Variants in ANKRD36C observed in about 807,000 individuals in gnomAD.
ANKRD36C encodes the protein ankyrin repeat domain-containing protein 36C.
A neutral mutation model predicts 276.4 loss-of-function variants in ANKRD36C; 61 were observed. The observed-to-expected ratio is 0.22, with a 90% CI of 0.18 to 0.27. The LOEUF is 0.27. Ranked by LOEUF, ANKRD36C falls within the 10% of genes least tolerant of loss-of-function variation. The pLI, the probability that ANKRD36C is intolerant of heterozygous loss-of-function variation, is 1.00. For missense variants in ANKRD36C, 1,447 were observed against 2,032.3 expected, an observed-to-expected ratio of 0.71 and a Z score of 5.54; for synonymous variants, 483 against 680.1, an observed-to-expected ratio of 0.71 and a Z score of 4.51.
chr2:95,855,206 A>G, intron 63 of ANKRD36C, 60 bp downstream of exon 83: 1 of 1,485,672 alleles, frequency 6.7e-7, no homozygotes, highest in East Asian at 2.5e-5. Context: ...CTGTAACCAA[A>G]TATTACTTTA....
At chr2:95,908,419 G>A (rs1676808679) in intron 42 of ANKRD36C, 83 bp downstream of exon 48, 4 of 1,260,160 alleles carry the variant, frequency 3.2e-6, no homozygotes, top group African/African-American at 3.0e-5. Context: ...CAGCTTCAAC[G>A]AGCCCCCCGC....
exon 63 of ANKRD36C, chr2:95,856,012 C>G (rs757137014): frequency 6.2e-7 from 1 of 1,612,210 alleles, no homozygotes; most frequent in Admixed American, 1.7e-5. Flanking sequence ...CGTTTTAGAG[C>G]CTTTTGAAGG....
chr2:95,908,637 C>A (rs1325124289), intron 42 of ANKRD36C, 32 bp downstream of exon 47: 1 of 1,564,468 alleles, frequency 6.4e-7, no homozygotes, highest in Non-Finnish European at 8.7e-7. Context: ...TATACATTTA[C>A]TAGTTCACAA....
chr2:95,859,986 T>G, exon 61 of ANKRD36C: 1 of 1,549,374 alleles, frequency 6.5e-7, no homozygotes, highest in Non-Finnish European at 8.7e-7. Flanking sequence ...GAATTTTTAC[T>G]CTAAGTTGCT....
intron 59 of ANKRD36C, among the ~76,000 whole-genome samples, chr2:95,872,821 A>C (rs1247611767): frequency 6.6e-6 from 1 of 152,152 alleles, no homozygotes; most frequent in African/African-American, 2.4e-5. Context: ...GCAATACAAA[A>C]TGATAAAGGG....
chr2:95,855,955 G>C (rs1235230713), exon 63 of ANKRD36C: 1 of 1,613,276 alleles, frequency 6.2e-7, no homozygotes, highest in South Asian at 1.1e-5. Context: ...AGAGCAGCAA[G>C]CTGTCCACTA....
At chr2:95,927,797 C>T (rs1322749640) in intron 26 of ANKRD36C, among the ~76,000 whole-genome samples, 1 of 151,574 alleles carries the variant, frequency 6.6e-6, no homozygotes, top group African/African-American at 2.4e-5. Flanking sequence ...AAAGGATTTA[C>T]ACCATTATAC....
At chr2:95,884,276 C>T in intron 53 of ANKRD36C, 31 bp from the exon 74 acceptor site, 3 of 1,609,384 alleles carry the variant, frequency 1.9e-6, no homozygotes, top group Non-Finnish European at 2.5e-6. Flanking sequence ...AATAATAAAT[C>T]AATAAAGTAT....
intron 42 of ANKRD36C, among the ~76,000 whole-genome samples, chr2:95,902,633 C>A (rs1012343616): frequency 6.7e-6 from 1 of 150,014 alleles, no homozygotes; most frequent in Non-Finnish European, 1.5e-5. Flanking sequence ...TCCCCAGAGC[C>A]CCTTATGCCT....
rs942315038 is a variant in ANKRD36C, at chr2:95,931,704, A to G, written c.1736-2437T>C. Among the ~76,000 whole-genome samples, 120 of 149,094 alleles carry G rather than the reference A, an allele frequency of 8.0e-4. 2 individuals are homozygous for G. The East Asian group carries it at 0.022, about 27-fold the overall frequency. On this transcript the variant is annotated intron_variant, in intron 24 of 66. Transcript: ENST00000456556. Reference sequence around the variant, plus strand: ...AGCACTGACATAATTTTTTGCAGGTATAAAAAAGACAAGCTGAGATCCTTA... The same window carrying G: ...AGCACTGACATAATTTTTTGCAGGTGTAAAAAAGACAAGCTGAGATCCTTA...
chr2:95,892,327 A>G (rs1428897434), intron 44 of ANKRD36C, among the ~76,000 whole-genome samples: 3 of 151,520 alleles, frequency 2.0e-5, no homozygotes, highest in Non-Finnish European at 3.0e-5. Flanking sequence ...CACAATTACG[A>G]TAACAATTCA....
chr2:95,959,047 A>G (rs4907289), intron 10 of ANKRD36C, among the ~76,000 whole-genome samples: 1 of 152,272 alleles, frequency 6.6e-6, no homozygotes, highest in Admixed American at 6.5e-5. Flanking sequence ...AACAGTGTCT[A>G]TATCAATGTG....
At chr2:95,929,689 C>T (rs1348982262) in intron 24 of ANKRD36C, among the ~76,000 whole-genome samples, 2 of 151,608 alleles carry the variant, frequency 1.3e-5, no homozygotes, top group Non-Finnish European at 3.0e-5. Flanking sequence ...CATTTTACTG[C>T]AAACATTCAT....
chr2:95,959,164 T>C (rs1472701870), intron 10 of ANKRD36C, among the ~76,000 whole-genome samples: 2 of 152,286 alleles, frequency 1.3e-5, no homozygotes, highest in East Asian at 3.8e-4. Context: ...ATGTTTTTCA[T>C]GTAACACATC....
At chr2:95,858,155 A>G (rs201276236) in intron 61 of ANKRD36C, among the ~76,000 whole-genome samples, 1 of 150,092 alleles carries the variant, frequency 6.7e-6, no homozygotes, top group East Asian at 2.0e-4. Context: ...CCAAGCTGCG[A>G]CCCAACCACC....
At chr2:95,977,020 G>A (rs2104530169) in intron 6 of ANKRD36C, among the ~76,000 whole-genome samples, 1 of 151,748 alleles carries the variant, frequency 6.6e-6, no homozygotes, top group Admixed American at 6.6e-5. Context: ...TCTGCATCAT[G>A]GACAGCTCAT....
intron 58 of ANKRD36C, among the ~76,000 whole-genome samples, chr2:95,879,351 T>C (rs371262324): frequency 0.014 from 2,054 of 151,894 alleles, 26 homozygotes; most frequent in African/African-American, 0.016. Flanking sequence ...GTACAAACTA[T>C]AGTTAGAAAC....
At chr2:95,882,332 T>C in exon 56 of ANKRD36C, 1 of 1,552,398 alleles carries the variant, frequency 6.4e-7, no homozygotes, top group South Asian at 1.2e-5. Flanking sequence ...CCCGTTATTC[T>C]TGTGGCAATA....
intron 54 of ANKRD36C, 100 bp downstream of exon 74, chr2:95,884,073 G>A (rs747990175): frequency 3.1e-5 from 42 of 1,341,940 alleles, no homozygotes; most frequent in Non-Finnish European, 4.2e-5. Context: ...TGCAGAATCA[G>A]AATGTGCAGC....
Sources: gnomAD v4.1 joint callset for allele counts (sites outside exome capture counted in the v4.1 genomes callset) on GRCh38, gnomAD v4.1.1 for gene constraint, MANE v1.5 for transcripts, NCBI Gene and HGNC (gene_info 2026-07-23, HGNC 2026-07-21) for gene names.